Variants in TTC13 observed in about 807,000 individuals in gnomAD.
TTC13 encodes the protein tetratricopeptide repeat domain 13.
Under a neutral mutation model 120.0 loss-of-function variants are expected in TTC13, and 62 were observed. That is an observed-to-expected ratio of 0.52 (90% CI 0.42 to 0.64). The LOEUF (loss-of-function observed/expected upper bound fraction) is 0.64. Among genes scored for constraint, TTC13 ranks in the 30% least tolerant of loss-of-function variants. The pLI, the probability that TTC13 is intolerant of heterozygous loss-of-function variation, is 0.00. For synonymous variants in TTC13, 384 were observed against 393.5 expected, an observed-to-expected ratio of 0.98 and a Z score of 0.28; for missense variants, 824 against 1,050.2, an observed-to-expected ratio of 0.78 and a Z score of 2.98.
intron 14 of TTC13, 139 bp from the exon 15 acceptor site, chr1:230,924,072 T>G (rs550801544): frequency 3.5e-6 from 2 of 566,626 alleles, no homozygotes; most frequent in East Asian, 3.1e-5. Context: ...ACCTACAAAT[T>G]CCAAACAGAT....
intron 3 of TTC13, among the ~76,000 whole-genome samples, chr1:230,955,682 A>C (rs1271815324): frequency 6.6e-6 from 1 of 151,754 alleles, no homozygotes; most frequent in Non-Finnish European, 1.5e-5. Context: ...AAAAAAAAAA[A>C]AAAGGAGTAA....
intron 1 of TTC13, among the ~76,000 whole-genome samples, chr1:230,966,815 C>A (rs1017251663): frequency 1.3e-4 from 20 of 152,082 alleles, no homozygotes; most frequent in Admixed American, 1.3e-3. Context: ...AAAATGAGCC[C>A]GAGGAACCTG....
chr1:230,956,491 A>G, intron 3 of TTC13: 1 of 337,118 alleles, frequency 3.0e-6, no homozygotes. Context: ...GCCTGTAGAA[A>G]ATTTTCTTAA....
rs767639586 is a variant in TTC13 at position 230,924,885 on chromosome 1, C to G, written c.1677G>C (p.Leu559Phe). 8.7e-6 allele frequency: 14 copies of G among 1,614,108 alleles called. No individual in the cohort carries two copies. Residue 559 changes from leucine (L) to phenylalanine (F), a missense_variant, in exon 14 of 23, where the codon TTG (leucine) becomes TTC (phenylalanine). By Grantham distance (22) the Leu-to-Phe change is conservative. Coordinates refer to ENST00000366661, the MANE Select transcript of TTC13 (RefSeq NM_024525.5). Reference sequence around the variant, plus strand: ...TGTCAAACATGTCTCTCCACTGCATCAACCGTGTCTTCCCATTCATTCGAA... The same window carrying G: ...TGTCAAACATGTCTCTCCACTGCATGAACCGTGTCTTCCCATTCATTCGAA... ...SKVRMNGKTR[L>F]MQWRDMFDIA...
At position 230,978,504 on chromosome 1, in the gene TTC13, C is replaced by CGTACCCCGGCTGGGG; in HGVS notation, c.271+55_271+56insCCCCAGCCGGGGTAC. ...CGACCCGTACCCCGGCCCGGGACCC[C>CGTACCCCGGCTGGGG]AGCCCCGCTGCCCCGCCGCCCCGGC... On this transcript the variant is annotated intron_variant, in intron 1 of 22. Coordinates refer to ENST00000366661, the MANE Select transcript of TTC13 (RefSeq NM_024525.5). This position sits in a 1 kb window ranked among gnomAD's most constrained non-coding sequence, Gnocchi z 5.6. The CGTACCCCGGCTGGGG allele has an allele frequency of 3.7e-6, 2 of 535,698 alleles. No individual in the cohort carries two copies. Among genetic ancestry groups the CGTACCCCGGCTGGGG allele is most frequent in the East Asian group, 7.8e-5 (2 of 25,684 alleles). 33.2% of individuals were successfully genotyped at this position (535,698 alleles called of 1,614,324 possible). A position where few individuals can be genotyped will look rare whatever the true frequency, so the allele number is the denominator to read the frequency against.
In TTC13 at chr1:230,978,861, T is replaced by A; in HGVS notation, c.-31A>T. 6.9e-7 allele frequency: 1 copy of A among 1,441,474 alleles called. No individual in the cohort carries two copies. Among genetic ancestry groups the A allele is most frequent in the Non-Finnish European group, 9.0e-7 (1 of 1,108,002 alleles). 89.3% of individuals were successfully genotyped at this position (1,441,474 alleles called of 1,614,324 possible). On this transcript the variant is annotated 5_prime_UTR_variant, in exon 1 of 23. Coordinates refer to ENST00000366661, the MANE Select transcript of TTC13 (RefSeq NM_024525.5). The surrounding 1 kb of genome is among the most constrained non-coding windows in gnomAD (Gnocchi z 5.6). Reference sequence around the variant, plus strand: ...CTCAAGGCGCATGCGCGACAGCCCTTGCCCGGCTCTCAGGCCTCCCCGCCT... The same window carrying A: ...CTCAAGGCGCATGCGCGACAGCCCTAGCCCGGCTCTCAGGCCTCCCCGCCT...
At chr1:230,972,094 C>T (rs3924320) in intron 1 of TTC13, among the ~76,000 whole-genome samples, 110,554 of 152,138 alleles carry the variant, frequency 0.73, 40,658 homozygotes, top group African/African-American at 0.84. Context: ...TCTTCTTGTG[C>T]AGAGGTGGTC....
In TTC13 at chr1:230,912,824, T is replaced by A. The variant is rs923556030; in HGVS notation, c.2094-66A>T. ...GTTCAAACAGCCAAACACAGAAAGT[T>A]TTTTTTAAAAAGCAAATAGCATACT... On this transcript the variant is annotated intron_variant, in intron 18 of 22. Coordinates refer to ENST00000366661, the MANE Select transcript of TTC13 (RefSeq NM_024525.5). 1.3e-5 allele frequency: 20 copies of A among 1,510,290 alleles called. No homozygotes were observed. The African/African-American group carries it at 1.4e-4, about 11-fold the overall frequency. 93.6% of individuals were successfully genotyped at this position (1,510,290 alleles called of 1,614,324 possible). A position where few individuals can be genotyped will look rare whatever the true frequency, so the allele number is the denominator to read the frequency against.
chr1:230,965,765 C>T (rs933848118), intron 1 of TTC13, among the ~76,000 whole-genome samples: 2 of 152,226 alleles, frequency 1.3e-5, no homozygotes, highest in African/African-American at 4.8e-5. Context: ...TTGACCTCAG[C>T]ATCCCTAGTA....
intron 3 of TTC13, among the ~76,000 whole-genome samples, chr1:230,955,685 A>G (rs867596738): frequency 2.0e-5 from 3 of 151,020 alleles, no homozygotes; most frequent in South Asian, 2.1e-4. Flanking sequence ...AAAAAAAAAA[A>G]GGAGTAAAAA....
In TTC13 at chr1:230,931,434, C is replaced by A; in HGVS notation, c.1164G>T (p.Gln388His). 3.1e-6 allele frequency: 5 copies of A among 1,614,202 alleles called. No individual in the cohort carries two copies. The highest frequency in any genetic ancestry group is 4.2e-6 in the Non-Finnish European group (5 of 1,180,028). Reference sequence around the variant, plus strand: ...CAACATGGCTGAGCCCTTTCATATACTGGCACACTTCATTATATGGCTCTA... The same window carrying A: ...CAACATGGCTGAGCCCTTTCATATAATGGCACACTTCATTATATGGCTCTA... Reference protein sequence around the residue: ...LQLEPYNEVCQYMKGLSHVAM... With the variant: ...LQLEPYNEVCHYMKGLSHVAM... Residue 388 changes from glutamine to histidine, a missense_variant, in exon 11 of 23, where the codon CAG becomes CAT. By Grantham distance (24) the Gln-to-His change is conservative (BLOSUM62 0). Around this residue, in one of 4 missense-constraint regions of TTC13, gnomAD observed 430 missense variants for 626.8 expected, o/e 0.69. Transcript: ENST00000366661.
intron 1 of TTC13, among the ~76,000 whole-genome samples, chr1:230,965,415 A>G (rs1334235497): frequency 6.6e-6 from 1 of 152,350 alleles, no homozygotes; most frequent in Non-Finnish European, 1.5e-5. Context: ...CAAAACTACA[A>G]TGAGATATCA....
chr1:230,916,504 G>A (rs1672046811), intron 17 of TTC13, among the ~76,000 whole-genome samples: 1 of 152,114 alleles, frequency 6.6e-6, no homozygotes, highest in Non-Finnish European at 1.5e-5. Context: ...GCTCCCCACA[G>A]CTCCTACCAG....
intron 2 of TTC13, among the ~76,000 whole-genome samples, chr1:230,959,830 C>T (rs550125782): frequency 3.3e-5 from 5 of 152,364 alleles, no homozygotes; most frequent in African/African-American, 1.2e-4. Context: ...TTCAATCCAA[C>T]TTTCTCATCC....
intron 4 of TTC13, among the ~76,000 whole-genome samples, chr1:230,951,917 TAC>T (rs1675628223): frequency 6.6e-6 from 1 of 152,218 alleles, no homozygotes; most frequent in Admixed American, 6.5e-5. Context: ...CACCTACTTT[TAC>T]AGTGTCTCGA....
chr1:230,935,143 A>G (rs1673924065), intron 8 of TTC13, among the ~76,000 whole-genome samples: 1 of 152,238 alleles, frequency 6.6e-6, no homozygotes. Context: ...GATCACTTTT[A>G]GTTAGGCTTC....
intron 1 of TTC13, 148 bp from the exon 2 acceptor site, chr1:230,961,451 C>T: frequency 1.7e-6 from 1 of 604,092 alleles, no homozygotes; most frequent in East Asian, 2.9e-5. Context: ...GGGCACAGTG[C>T]CTCACACCTG....
chr1:230,924,468 G>A (rs1399872948), intron 14 of TTC13, among the ~76,000 whole-genome samples: 2 of 152,116 alleles, frequency 1.3e-5, no homozygotes, highest in South Asian at 4.2e-4. Context: ...GAGTAGCTGC[G>A]ACTACAGGCG....
intron 1 of TTC13, among the ~76,000 whole-genome samples, chr1:230,974,447 C>T (rs996529057): frequency 1.3e-5 from 2 of 152,208 alleles, no homozygotes; most frequent in Admixed American, 6.5e-5. Flanking sequence ...TGTACATTTT[C>T]TGTATTTAGA....
Sources: allele counts gnomAD v4.1 joint callset (sites outside exome capture counted in the v4.1 genomes callset), GRCh38; gene constraint gnomAD v4.1.1; regional missense constraint gnomAD v4.1.1; non-coding constraint Gnocchi (gnomAD v3.1); transcripts MANE v1.5; gene names NCBI Gene and HGNC (gene_info 2026-07-23, HGNC 2026-07-21).